NRXN3: variants seen among roughly 807,000 people sequenced by gnomAD.
NRXN3 encodes the protein neurexin 3, also known as neurexin III.
A neutral mutation model predicts 137.6 loss-of-function variants in NRXN3; 32 were observed. The ratio of observed to expected loss-of-function variants is 0.23; its 90% CI spans 0.18 to 0.31. The LOEUF (loss-of-function observed/expected upper bound fraction) is 0.31, where lower values mean the gene tolerates loss of function less well. NRXN3 is among the 10% of genes least tolerant of loss of function. The pLI is 1.00. For missense variants in NRXN3, 1,574 were observed against 2,062.5 expected (o/e 0.76, Z 4.59); for synonymous variants, 798 against 784.5 (o/e 1.02, Z -0.29).
At chr14:79,812,715 G>T (rs2099238539) in intron 20 of NRXN3, among the ~76,000 whole-genome samples, 1 of 152,128 alleles carries the variant, frequency 6.6e-6, no homozygotes, top group South Asian at 2.1e-4. Context: ...CTCTTTTGGG[G>T]ACTTCACATA....
chr14:79,517,099 C>A (rs963854680), intron 16 of NRXN3, among the ~76,000 whole-genome samples: 5 of 96,918 alleles, frequency 5.2e-5, no homozygotes, highest in African/African-American at 2.2e-4. Context: ...ACAGCCCCCC[C>A]CCCCTCAACG....
At chr14:79,327,314 AC>A (rs1358316157) in intron 15 of NRXN3, among the ~76,000 whole-genome samples, 2 of 151,812 alleles carry the variant, frequency 1.3e-5, no homozygotes, top group Non-Finnish European at 2.9e-5. Context: ...TTTCCTTGTA[AC>A]CCCCTATAGA....
At chr14:78,581,196 T>C (rs1414190089) in intron 4 of NRXN3, among the ~76,000 whole-genome samples, 1 of 152,250 alleles carries the variant, frequency 6.6e-6, no homozygotes, top group African/African-American at 2.4e-5. Flanking sequence ...ACTAACTTGT[T>C]GTAACTAGCT....
chr14:79,455,308 T>C (rs889301503), intron 15 of NRXN3, among the ~76,000 whole-genome samples: 4 of 152,190 alleles, frequency 2.6e-5, no homozygotes, highest in African/African-American at 9.7e-5. Flanking sequence ...CCAAAGACCT[T>C]ACCCTATAAT....
chr14:78,265,826 A>G (rs905400463), intron 2 of NRXN3, among the ~76,000 whole-genome samples: 3 of 152,216 alleles, frequency 2.0e-5, no homozygotes, highest in African/African-American at 7.2e-5. Flanking sequence ...TGTCCTGGAC[A>G]ACTCTACAGC....
chr14:78,559,590 T>C (rs779521438), intron 4 of NRXN3, among the ~76,000 whole-genome samples: 3 of 152,258 alleles, frequency 2.0e-5, no homozygotes, highest in Admixed American at 6.5e-5. Flanking sequence ...AGAAGGGCTG[T>C]ACCAGTTCAG....
intron 8 of NRXN3, among the ~76,000 whole-genome samples, chr14:78,784,706 G>C (rs1401916624): frequency 1.3e-5 from 2 of 152,170 alleles, no homozygotes; most frequent in African/African-American, 4.8e-5. Flanking sequence ...ATGTAGGGGG[G>C]ATCATTAGGA....
intron 4 of NRXN3, among the ~76,000 whole-genome samples, chr14:78,338,201 A>G (rs1288364268): frequency 6.6e-6 from 1 of 152,148 alleles, no homozygotes; most frequent in East Asian, 1.9e-4. Flanking sequence ...ATTTCCCTCA[A>G]AGCAACACCA....
chr14:78,465,589 G>A (rs868596566), intron 4 of NRXN3, among the ~76,000 whole-genome samples: 3 of 152,166 alleles, frequency 2.0e-5, no homozygotes, highest in South Asian at 2.1e-4. Context: ...CCAGGCTGGA[G>A]TGCAGTGGCG....
At chr14:79,749,545 G>C (rs932453546) in intron 19 of NRXN3, among the ~76,000 whole-genome samples, 5 of 151,966 alleles carry the variant, frequency 3.3e-5, no homozygotes, top group African/African-American at 1.2e-4. Flanking sequence ...GGGATTATAG[G>C]AGTGAGCCAC....
intron 4 of NRXN3, among the ~76,000 whole-genome samples, chr14:78,365,901 C>G (rs1397231206): frequency 6.6e-6 from 1 of 152,100 alleles, no homozygotes; most frequent in Non-Finnish European, 1.5e-5. Flanking sequence ...AGAGGAGCAA[C>G]CAAGAGTGGA....
At chr14:79,104,775 T>C (rs2052055658) in intron 15 of NRXN3, among the ~76,000 whole-genome samples, 1 of 152,022 alleles carries the variant, frequency 6.6e-6, no homozygotes, top group African/African-American at 2.4e-5. Context: ...CCCCCAGTTA[T>C]CACATCCTAA....
At chr14:79,858,023 T>C (rs1339531938) in intron 20 of NRXN3, among the ~76,000 whole-genome samples, 2 of 152,224 alleles carry the variant, frequency 1.3e-5, no homozygotes, top group East Asian at 3.9e-4. Context: ...TACCCATCAT[T>C]TTAGTTTTAA....
chr14:79,034,349 T>TACCCACACACACACACACAC (rs2099612624), intron 15 of NRXN3, among the ~76,000 whole-genome samples: 1 of 144,426 alleles, frequency 6.9e-6, no homozygotes, highest in Non-Finnish European at 1.5e-5. Context: ...TCTTATTTCT[T>TACCCACACACACACACACAC]ACACACACAC....
At chr14:79,417,349 T>C (rs1301340246) in intron 15 of NRXN3, among the ~76,000 whole-genome samples, 2 of 152,168 alleles carry the variant, frequency 1.3e-5, no homozygotes, top group African/African-American at 4.8e-5. Context: ...ATTTGCTTCA[T>C]TGTACTCTTA....
At chr14:79,599,673 T>C (rs1381397610) in intron 16 of NRXN3, among the ~76,000 whole-genome samples, 1 of 152,238 alleles carries the variant, frequency 6.6e-6, no homozygotes, top group East Asian at 1.9e-4. Flanking sequence ...CCACTTTATG[T>C]ATATTTACTT....
chr14:78,968,898 T>G (rs2099428960), intron 14 of NRXN3, among the ~76,000 whole-genome samples: 1 of 152,164 alleles, frequency 6.6e-6, no homozygotes. Context: ...AGGCAGTTCT[T>G]TAGTGTGGTA....
intron 15 of NRXN3, among the ~76,000 whole-genome samples, chr14:78,998,575 T>C (rs559507857): frequency 2.0e-5 from 3 of 151,770 alleles, no homozygotes; most frequent in East Asian, 1.9e-4. Context: ...AATTTGAGTG[T>C]TTCTGTTAGG....
intron 3 of NRXN3, among the ~76,000 whole-genome samples, chr14:78,292,757 T>G (rs2075930091): frequency 6.6e-6 from 1 of 152,192 alleles, no homozygotes; most frequent in Non-Finnish European, 1.5e-5. Flanking sequence ...TGGAAAGGTG[T>G]GGTCCCCTCT....
Sources: allele counts gnomAD v4.1 joint callset (sites outside exome capture counted in the v4.1 genomes callset), GRCh38; gene constraint gnomAD v4.1.1; transcripts MANE v1.5; gene names NCBI Gene and HGNC (gene_info 2026-07-23, HGNC 2026-07-21).